Variants in TEC observed in about 807,000 individuals in gnomAD.
The protein encoded by TEC is tyrosine-protein kinase Tec.
Under a neutral mutation model 93.0 loss-of-function variants are expected in TEC, and 72 were observed. The observed-to-expected ratio is 0.77, with a 90% CI of 0.64 to 0.94. TEC has a LOEUF of 0.94. TEC is among the 40% of genes least tolerant of loss of function. The probability of loss-of-function intolerance (pLI) is 0.00; values close to 1 mark genes in which losing one functional copy is unlikely to be tolerated. For synonymous variants in TEC, 249 were observed against 247.7 expected, an observed-to-expected ratio of 1.01 and a Z score of -0.05; for missense variants, 630 against 757.9, an observed-to-expected ratio of 0.83 and a Z score of 1.98.
chr4:48,232,126 T>C (rs900987897), intron 1 of TEC, among the ~76,000 whole-genome samples: 7 of 151,274 alleles, frequency 4.6e-5, no homozygotes, highest in Non-Finnish European at 3.0e-5. Context: ...CCATCTCTAT[T>C]AAAAATACAA....
At chr4:48,236,247 C>T (rs1723779330) in intron 1 of TEC, among the ~76,000 whole-genome samples, 1 of 152,052 alleles carries the variant, frequency 6.6e-6, no homozygotes, top group African/African-American at 2.4e-5. Flanking sequence ...TTCCAGCTTT[C>T]TCTCCTAGCC....
intron 7 of TEC, among the ~76,000 whole-genome samples, chr4:48,167,407 T>C (rs1720913152): frequency 6.6e-6 from 1 of 152,050 alleles, no homozygotes; most frequent in South Asian, 2.1e-4. Flanking sequence ...CATACGTATA[T>C]ATAGAGAGAG....
chr4:48,188,376 T>C (rs1020422358), intron 2 of TEC, among the ~76,000 whole-genome samples: 3 of 152,192 alleles, frequency 2.0e-5, no homozygotes, highest in African/African-American at 7.2e-5. Context: ...GCCTCAGATT[T>C]TTTATTGATA....
intron 1 of TEC, among the ~76,000 whole-genome samples, chr4:48,242,749 G>A (rs180775127): frequency 1.1e-4 from 16 of 152,176 alleles, no homozygotes; most frequent in Admixed American, 1.0e-3. Flanking sequence ...GTGAAGTGAT[G>A]GTATTTCAAC....
At chr4:48,149,064 C>T (rs572250368) in intron 11 of TEC, among the ~76,000 whole-genome samples, 1 of 152,300 alleles carries the variant, frequency 6.6e-6, no homozygotes, top group South Asian at 2.1e-4. Flanking sequence ...TTTCTTTATC[C>T]TGTCTATCAC....
intron 2 of TEC, among the ~76,000 whole-genome samples, chr4:48,188,194 G>T (rs927001309): frequency 9.2e-5 from 14 of 152,178 alleles, no homozygotes; most frequent in Admixed American, 2.6e-4. Flanking sequence ...TTAAATGGAA[G>T]AGGTCTGGGT....
chr4:48,221,631 T>C (rs1244610252), intron 2 of TEC, among the ~76,000 whole-genome samples: 1 of 152,220 alleles, frequency 6.6e-6, no homozygotes, highest in African/African-American at 2.4e-5. Flanking sequence ...GGAAGCGCTA[T>C]GAACCCCTTC....
At chr4:48,200,149 AAG>A (rs1198050652) in intron 2 of TEC, among the ~76,000 whole-genome samples, 1 of 152,186 alleles carries the variant, frequency 6.6e-6, no homozygotes, top group Non-Finnish European at 1.5e-5. Context: ...TGAAACCTGA[AAG>A]AGGGGGAGAA....
At chr4:48,238,119 A>G (rs1723832782) in intron 1 of TEC, among the ~76,000 whole-genome samples, 2 of 152,348 alleles carry the variant, frequency 1.3e-5, no homozygotes, top group Middle Eastern at 3.4e-3. Context: ...AAAAAATACT[A>G]GGATGAGTTC....
At chr4:48,226,524 C>A (rs76538629) in intron 2 of TEC, among the ~76,000 whole-genome samples, 1 of 152,134 alleles carries the variant, frequency 6.6e-6, no homozygotes, top group South Asian at 2.1e-4. Context: ...ATCCACTTCC[C>A]GTTAATAAAT....
intron 1 of TEC, among the ~76,000 whole-genome samples, chr4:48,230,497 C>G (rs892756571): frequency 4.6e-5 from 7 of 152,168 alleles, no homozygotes; most frequent in African/African-American, 1.7e-4. Flanking sequence ...ATTATGACCC[C>G]ACATCTGGAC....
At position 48,203,198 on chromosome 4, in the gene TEC, T is replaced by C. The variant is rs1204604960; in HGVS notation, c.138+25279A>G. ...GGCCAACACAGTGAAACCCTGTCTT[T>C]ACTAAAAATAGAAAAAATTAGCTGG... On this transcript the variant is annotated intron_variant, in intron 2 of 17. Coordinates refer to ENST00000381501, the MANE Select transcript of TEC (RefSeq NM_003215.3). Among the ~76,000 whole-genome samples, 3 of 152,042 alleles carry C rather than the reference T, an allele frequency of 2.0e-5. No individual in the cohort carries two copies. In the East Asian group the frequency reaches 5.8e-4, roughly 29 times the overall value.
intron 2 of TEC, among the ~76,000 whole-genome samples, chr4:48,223,173 A>G (rs1258298642): frequency 6.6e-6 from 1 of 152,232 alleles, no homozygotes. Context: ...TATAGATTGG[A>G]GAAAATTATT....
At position 48,167,926 on chromosome 4, in the gene TEC, C is replaced by G; in HGVS notation, c.523G>C (p.Glu175Gln). 3.1e-6 allele frequency: 5 copies of G among 1,613,780 alleles called. No individual in the cohort carries two copies. Among genetic ancestry groups the G allele is most frequent in the Non-Finnish European group, 4.2e-6 (5 of 1,179,850 alleles). ...ATTTCTTCACTATTATCTTCTTCTTCTAGTGGAATTGGTGGGGGAGGCCTT... is the reference window on the plus strand; with the variant it reads ...ATTTCTTCACTATTATCTTCTTCTTGTAGTGGAATTGGTGGGGGAGGCCTT... ...KRRPPPPIPLEEEDNSEEIVV... is the reference protein window; with the variant it reads ...KRRPPPPIPLQEEDNSEEIVV... The change falls in exon 7 of 18, where the codon GAA becomes CAA. Residue 175 changes from glutamate (E) to glutamine (Q), a missense_variant. By Grantham distance (29) the Glu-to-Gln change is conservative (BLOSUM62 2). Coordinates refer to ENST00000381501, the MANE Select transcript of TEC (RefSeq NM_003215.3).
intron 1 of TEC, among the ~76,000 whole-genome samples, chr4:48,231,176 G>A (rs1022976597): frequency 2.0e-5 from 3 of 152,088 alleles, no homozygotes; most frequent in African/African-American, 7.2e-5. Flanking sequence ...CTATCTTAAA[G>A]GAAGACACTG....
chr4:48,183,732 A>T (rs1721688526), intron 2 of TEC, among the ~76,000 whole-genome samples: 1 of 152,210 alleles, frequency 6.6e-6, no homozygotes, highest in African/African-American at 2.4e-5. Context: ...GGGACTTCTC[A>T]GCCTCCATAA....
At chr4:48,179,530 A>G (rs544576953) in intron 2 of TEC, among the ~76,000 whole-genome samples, 6 of 151,388 alleles carry the variant, frequency 4.0e-5, no homozygotes, top group Non-Finnish European at 8.8e-5. Context: ...CTGGGATTCC[A>G]GGCGTGTGCC....
intron 1 of TEC, among the ~76,000 whole-genome samples, chr4:48,246,013 G>A (rs1020676607): frequency 6.6e-6 from 1 of 152,102 alleles, no homozygotes; most frequent in African/African-American, 2.4e-5. Flanking sequence ...GGAGGCTGTG[G>A]CACAAGAATC....
Position 48,202,584 on chromosome 4 carries a change from C to T in TEC, c.138+25893G>A, listed in dbSNP as rs937503432. Among the ~76,000 whole-genome samples, 5 of 152,070 alleles carry T rather than the reference C, an allele frequency of 3.3e-5. No homozygotes were observed. The East Asian group carries it at 9.6e-4, about 29-fold the overall frequency. On this transcript the variant is annotated intron_variant, in intron 2 of 17. Transcript: ENST00000381501. ...AAAAATGGATTTTTATATCCTGAAACTTAACAACAATGGCAATATTACTAA... is the reference window on the plus strand; with the variant it reads ...AAAAATGGATTTTTATATCCTGAAATTTAACAACAATGGCAATATTACTAA...
Sources: allele counts gnomAD v4.1 joint callset (sites outside exome capture counted in the v4.1 genomes callset), GRCh38; gene constraint gnomAD v4.1.1; transcripts MANE v1.5; gene names NCBI Gene and HGNC (gene_info 2026-07-23, HGNC 2026-07-21).